The following ZBTB34 variants were observed in gnomAD, a reference collection of about 807,000 sequenced individuals.
ZBTB34 encodes the protein zinc finger and BTB domain containing 34.
ZBTB34 carries 1 observed loss-of-function variant against 33.4 expected under a neutral mutation model. That is an observed-to-expected ratio of 0.03 (90% CI 0.01 to 0.14). The LOEUF (loss-of-function observed/expected upper bound fraction) is 0.14. ZBTB34 is among the 10% of genes least tolerant of loss of function. ZBTB34 has a pLI of 1.00. For missense variants in ZBTB34, 406 were observed against 657.2 expected, an observed-to-expected ratio of 0.62 and a Z score of 4.18; for synonymous variants, 283 against 253.5, an observed-to-expected ratio of 1.12 and a Z score of -1.11.
chr9:126,867,957 A>C (rs1485089989), intron 1 of ZBTB34, among the ~76,000 whole-genome samples: 1 of 152,100 alleles, frequency 6.6e-6, no homozygotes, highest in Non-Finnish European at 1.5e-5. Flanking sequence ...GTGACCCTCT[A>C]ATGTTACATA....
chr9:126,875,733 T>C (rs1025764121), intron 1 of ZBTB34, among the ~76,000 whole-genome samples: 1 of 152,230 alleles, frequency 6.6e-6, no homozygotes, highest in Non-Finnish European at 1.5e-5. Flanking sequence ...AATTTGCATA[T>C]TATATCTGCA....
chr9:126,875,726 T>C (rs895860938), intron 1 of ZBTB34, among the ~76,000 whole-genome samples: 4 of 152,192 alleles, frequency 2.6e-5, no homozygotes, highest in Non-Finnish European at 4.4e-5. Flanking sequence ...TCTAAATAAT[T>C]TGCATATTAT....
exon 2 of ZBTB34, chr9:126,885,573 A>C: frequency 6.0e-6 from 1 of 167,238 alleles, no homozygotes. Flanking sequence ...TTATCTTGCA[A>C]TATAAACTGG....
At chr9:126,864,742 T>G (rs759063443) in intron 1 of ZBTB34, among the ~76,000 whole-genome samples, 1 of 152,170 alleles carries the variant, frequency 6.6e-6, no homozygotes, top group Non-Finnish European at 1.5e-5. Flanking sequence ...AAGATTAGAT[T>G]GTAGCTCATG....
rs538532378 is a variant in ZBTB34 at position 126,878,031 on chromosome 9, A to G, written c.-10-1359A>G. On this transcript the variant is annotated intron_variant, in intron 1 of 1. Coordinates refer to ENST00000319119, the Ensembl canonical transcript of ZBTB34. The stretch of plus-strand genomic sequence containing the variant: ...AAAATAAAAATAAATAAAATAAAAT[A>G]TTGTCTAAAATAACTCTTCACTGGT... Among the ~76,000 whole-genome samples the G allele has an allele frequency of 2.6e-5, 4 of 152,042 alleles. No individual in the cohort carries two copies. The East Asian group carries it at 7.7e-4, about 29-fold the overall frequency.
At chr9:126,869,198 CCCCACCCCATCT>C (rs2033247334) in intron 1 of ZBTB34, among the ~76,000 whole-genome samples, 1 of 132,282 alleles carries the variant, frequency 7.6e-6, no homozygotes, top group Non-Finnish European at 1.6e-5. Flanking sequence ...CACCCCCACC[CCCCACCCCATCT>C]CCATCCCTTT....
At chr9:126,876,125 A>T (rs1479012565) in intron 1 of ZBTB34, among the ~76,000 whole-genome samples, 16 of 123,830 alleles carry the variant, frequency 1.3e-4, no homozygotes, top group African/African-American at 4.6e-4. Context: ...TGGGAAATGC[A>T]GACATCATGT....
intron 1 of ZBTB34, among the ~76,000 whole-genome samples, chr9:126,869,359 C>T (rs2033248968): frequency 6.6e-6 from 1 of 152,006 alleles, no homozygotes; most frequent in African/African-American, 2.4e-5. Context: ...GTTTCCTCAT[C>T]TTTAAAATGG....
At chr9:126,863,040 C>T (rs933332877) in intron 1 of ZBTB34, among the ~76,000 whole-genome samples, 1 of 151,946 alleles carries the variant, frequency 6.6e-6, no homozygotes, top group Non-Finnish European at 1.5e-5. Context: ...AAGCACAAAA[C>T]GAATCTTTGA....
chr9:126,881,021 C>G (rs867037355), exon 2 of ZBTB34: 1 of 1,298,016 alleles, frequency 7.7e-7, no homozygotes, highest in Non-Finnish European at 1.0e-6. Flanking sequence ...CTCTTGGTCT[C>G]TTGGCAGTTT....
intron 1 of ZBTB34, among the ~76,000 whole-genome samples, chr9:126,871,025 A>G (rs1021562836): frequency 2.6e-4 from 39 of 152,172 alleles, no homozygotes; most frequent in Admixed American, 2.4e-3. Context: ...GCTGGCCACT[A>G]TGGGGAAGGA....
At chr9:126,863,521 A>T (rs771207476) in intron 1 of ZBTB34, among the ~76,000 whole-genome samples, 2 of 152,170 alleles carry the variant, frequency 1.3e-5, no homozygotes, top group Non-Finnish European at 2.9e-5. Context: ...GTTAATGTTC[A>T]TGTTACTTTA....
At chr9:126,870,656 G>A (rs1412815913) in intron 1 of ZBTB34, among the ~76,000 whole-genome samples, 1 of 152,224 alleles carries the variant, frequency 6.6e-6, no homozygotes, top group Non-Finnish European at 1.5e-5. Flanking sequence ...GCCGGGCGCA[G>A]TGGCTCACGC....
At chr9:126,862,440 C>T (rs1326938066) in intron 1 of ZBTB34, among the ~76,000 whole-genome samples, 6 of 152,262 alleles carry the variant, frequency 3.9e-5, no homozygotes, top group African/African-American at 1.2e-4. Flanking sequence ...GTATGTCCAG[C>T]CACCGCCCAC....
intron 1 of ZBTB34, among the ~76,000 whole-genome samples, chr9:126,864,765 T>C (rs560599390): frequency 1.3e-5 from 2 of 152,340 alleles, no homozygotes; most frequent in South Asian, 4.1e-4. Flanking sequence ...AGCTCAATTT[T>C]GGTTTTAATC....
chr9:126,861,160 A>G (rs1350615212), intron 1 of ZBTB34, among the ~76,000 whole-genome samples: 1 of 152,072 alleles, frequency 6.6e-6, no homozygotes, highest in African/African-American at 2.4e-5. Context: ...AGTTCCCTGG[A>G]GAGCCGGCCG....
chr9:126,869,390 AG>A (rs1235243549), intron 1 of ZBTB34, among the ~76,000 whole-genome samples: 4 of 152,052 alleles, frequency 2.6e-5, no homozygotes. Flanking sequence ...ACCTGCCTTA[AG>A]GGGCAGGTTG....
chr9:126,885,439 G>A (rs2033509289), exon 2 of ZBTB34: 1 of 167,090 alleles, frequency 6.0e-6, no homozygotes, highest in South Asian at 2.1e-4. Flanking sequence ...AACTTACCTG[G>A]TTTGTTTGAG....
chr9:126,869,116 C>T (rs886703604), intron 1 of ZBTB34, among the ~76,000 whole-genome samples: 1 of 152,126 alleles, frequency 6.6e-6, no homozygotes, highest in Non-Finnish European at 1.5e-5. Context: ...CAGATGTAAT[C>T]TTGATGGATA....
Sources: allele counts gnomAD v4.1 joint callset (sites outside exome capture counted in the v4.1 genomes callset), GRCh38; gene constraint gnomAD v4.1.1; transcripts MANE v1.5; gene names NCBI Gene and HGNC (gene_info 2026-07-23, HGNC 2026-07-21).